MARCHF1: variants seen among roughly 807,000 people sequenced by gnomAD.
MARCHF1 encodes the protein E3 ubiquitin-protein ligase MARCHF1.
Under a neutral mutation model 54.2 loss-of-function variants are expected in MARCHF1, and 40 were observed. The observed-to-expected ratio is 0.74, with a 90% CI of 0.57 to 0.96. The LOEUF (loss-of-function observed/expected upper bound fraction) is 0.96, where lower values mean the gene tolerates loss of function less well. MARCHF1 is among the 40% of genes least tolerant of loss of function. The pLI, the probability that MARCHF1 is intolerant of heterozygous loss-of-function variation, is 0.00. For missense variants in MARCHF1, 586 were observed against 656.5 expected (o/e 0.89, Z 1.17); for synonymous variants, 236 against 236.3 (o/e 1.00, Z 0.01).
chr4:163,945,676 G>A (rs938560420), intron 3 of MARCHF1, among the ~76,000 whole-genome samples: 1 of 152,096 alleles, frequency 6.6e-6, no homozygotes, highest in Non-Finnish European at 1.5e-5. Flanking sequence ...CATTTCCTCT[G>A]TGCACACCTA....
intron 4 of MARCHF1, among the ~76,000 whole-genome samples, chr4:163,851,709 A>G (rs1365048577): frequency 2.0e-5 from 3 of 152,220 alleles, no homozygotes; most frequent in African/African-American, 7.2e-5. Flanking sequence ...TCCTGGCCAC[A>G]TAGAAAGGCC....
chr4:164,076,096 T>A (rs113715061), intron 2 of MARCHF1, among the ~76,000 whole-genome samples: 2,074 of 151,852 alleles, frequency 0.014, 31 homozygotes, highest in African/African-American at 0.044. Context: ...AAAAGATAAC[T>A]TTCATTCTAG....
chr4:163,756,130 A>T (rs1346513311), intron 4 of MARCHF1, among the ~76,000 whole-genome samples: 1 of 152,206 alleles, frequency 6.6e-6, no homozygotes, highest in Non-Finnish European at 1.5e-5. Flanking sequence ...AGTAACTTTG[A>T]TACTTTCACA....
chr4:163,544,529 C>G (rs960755348), intron 9 of MARCHF1, among the ~76,000 whole-genome samples: 1 of 152,194 alleles, frequency 6.6e-6, no homozygotes, highest in Non-Finnish European at 1.5e-5. Flanking sequence ...CCCGCAGCCC[C>G]TTTCGGCTTT....
At chr4:163,948,649 G>A (rs1435145634) in intron 3 of MARCHF1, among the ~76,000 whole-genome samples, 2 of 151,962 alleles carry the variant, frequency 1.3e-5, no homozygotes, top group African/African-American at 2.4e-5. Context: ...ATACAGGAGA[G>A]GAGAGAAGCC....
At chr4:164,295,772 AAAGT>A in intron 1 of MARCHF1, among the ~76,000 whole-genome samples, 1 of 152,164 alleles carries the variant, frequency 6.6e-6, no homozygotes, top group East Asian at 1.9e-4. Flanking sequence ...AAAAAGAATA[AAAGT>A]AAGAAGACCA....
At chr4:163,868,141 T>C (rs1244733135) in intron 3 of MARCHF1, among the ~76,000 whole-genome samples, 1 of 151,936 alleles carries the variant, frequency 6.6e-6, no homozygotes, top group African/African-American at 2.4e-5. Flanking sequence ...GGGGCTTTTA[T>C]ATCTCCAGGA....
At chr4:164,333,377 A>G (rs7690528) in intron 1 of MARCHF1, among the ~76,000 whole-genome samples, 98,026 of 152,006 alleles carry the variant, frequency 0.64, 31,984 homozygotes, top group Admixed American at 0.72. Context: ...GTCTATCAGC[A>G]CCATTTTTCA....
chr4:163,812,373 T>C, intron 4 of MARCHF1, among the ~76,000 whole-genome samples: 1 of 152,008 alleles, frequency 6.6e-6, no homozygotes, highest in Non-Finnish European at 1.5e-5. Flanking sequence ...TGATTCTATT[T>C]CTCTGGAGAA....
At chr4:164,327,109 T>C (rs762459277) in intron 1 of MARCHF1, among the ~76,000 whole-genome samples, 1 of 152,096 alleles carries the variant, frequency 6.6e-6, no homozygotes, top group Non-Finnish European at 1.5e-5. Flanking sequence ...TACTATACTC[T>C]GGATGCTATA....
At chr4:164,143,199 C>A (rs936003758) in intron 1 of MARCHF1, among the ~76,000 whole-genome samples, 14 of 152,070 alleles carry the variant, frequency 9.2e-5, no homozygotes, top group South Asian at 4.2e-4. Flanking sequence ...CGTCTGATTG[C>A]TGTACCTGAA....
intron 1 of MARCHF1, among the ~76,000 whole-genome samples, chr4:164,230,403 A>G (rs1732383856): frequency 1.3e-5 from 2 of 151,918 alleles, no homozygotes; most frequent in Admixed American, 1.3e-4. Flanking sequence ...CTCAAAAAAA[A>G]AAAAAAGATA....
intron 1 of MARCHF1, chr4:164,188,792 A>G (rs1731046188): frequency 2.3e-6 from 2 of 875,370 alleles, no homozygotes; most frequent in Non-Finnish European, 4.0e-6. Flanking sequence ...GCAAACAAAG[A>G]CATTTGCTCC....
In MARCHF1 at chr4:163,580,801, T is replaced by TA. The variant is rs1445899147; in HGVS notation, c.1191+4947_1191+4948insT. Reference sequence around the variant, plus strand: ...AATGATTTAAGTAAGTATTAAAGTTTTTTTTTTTTTTTGAGACGGAGTCTC... The same window carrying TA: ...AATGATTTAAGTAAGTATTAAAGTTTATTTTTTTTTTTTGAGACGGAGTCTC... On this transcript the variant is annotated intron_variant, in intron 8 of 9. Transcript: ENST00000514618. Among the ~76,000 whole-genome samples, 3 of 110,000 alleles carry TA rather than the reference T, an allele frequency of 2.7e-5. 1 individual carries two copies. The highest frequency in any genetic ancestry group is 1.9e-5 in the Non-Finnish European group (1 of 51,294). The allele number at this position is 110,000 out of a possible 152,430, so 72.2% of individuals were successfully genotyped here.
At chr4:163,981,517 AT>A (rs931295975) in intron 3 of MARCHF1, among the ~76,000 whole-genome samples, 74 of 152,280 alleles carry the variant, frequency 4.9e-4, no homozygotes, top group African/African-American at 1.3e-3. Flanking sequence ...GAGAATGAGA[AT>A]CGAATAGATG....
chr4:163,558,698 A>G (rs1387727978), intron 8 of MARCHF1, among the ~76,000 whole-genome samples: 2 of 152,154 alleles, frequency 1.3e-5, no homozygotes, highest in African/African-American at 4.8e-5. Context: ...GGCTATGTTT[A>G]AGCAGATCTC....
Position 163,613,022 on chromosome 4 carries a change from C to T in MARCHF1, c.259G>A (p.Asp87Asn). The T allele has an allele frequency of 2.7e-6, 4 of 1,505,916 alleles. No individual in the cohort carries two copies. Among genetic ancestry groups the T allele is most frequent in the Non-Finnish European group, 3.5e-6 (4 of 1,136,288 alleles). 93.3% of individuals were successfully genotyped at this position (1,505,916 alleles called of 1,614,324 possible). A position where few individuals can be genotyped will look rare whatever the true frequency, so the allele number is the denominator to read the frequency against. ...TACTCAAATGACTCTTCTGACATGT[C>T]ATGCAAGATGGCAGATCTAGACAGA... ...QDICRSAILHDMSEESFEYCT... is the reference protein window; with the variant it reads ...QDICRSAILHNMSEESFEYCT... The change falls in exon 7 of 10, where the codon GAC (aspartate) becomes AAC (asparagine). Residue 87 changes from aspartate to asparagine, a missense_variant. By Grantham distance (23) the Asp-to-Asn change is conservative (BLOSUM62 1). Transcript: ENST00000514618.
At chr4:164,225,309 A>G (rs1431106356) in intron 1 of MARCHF1, among the ~76,000 whole-genome samples, 1 of 152,084 alleles carries the variant, frequency 6.6e-6, no homozygotes, top group Non-Finnish European at 1.5e-5. Context: ...AAAAAACTTT[A>G]TACAATAAAA....
At chr4:163,853,536 A>T (rs78054720) in intron 4 of MARCHF1, among the ~76,000 whole-genome samples, 2,119 of 152,308 alleles carry the variant, frequency 0.014, 43 homozygotes, top group East Asian at 0.075. Flanking sequence ...GGTCTTCAAA[A>T]TATTTTTGCA....
Sources: gnomAD v4.1 joint callset for allele counts (sites outside exome capture counted in the v4.1 genomes callset) on GRCh38, gnomAD v4.1.1 for gene constraint, MANE v1.5 for transcripts, NCBI Gene and HGNC (gene_info 2026-07-23, HGNC 2026-07-21) for gene names.